LY86: variants seen among roughly 807,000 people sequenced by gnomAD.
LY86 encodes lymphocyte antigen 86, also known as MD-1, RP105-associated.
Under a neutral mutation model 17.3 loss-of-function variants are expected in LY86, and 20 were observed. That is an observed-to-expected ratio of 1.15 (90% CI 0.81 to 1.68). The LOEUF is 1.68. Among genes scored for constraint, LY86 ranks in the 40% most tolerant of loss-of-function variants. The pLI, the probability that LY86 is intolerant of heterozygous loss-of-function variation, is 0.00. For synonymous variants in LY86, 74 were observed against 70.6 expected, an observed-to-expected ratio of 1.05 and a Z score of -0.24; for missense variants, 200 against 191.9, an observed-to-expected ratio of 1.04 and a Z score of -0.25.
At chr6:6,646,679 C>A (rs1233870916) in intron 3 of LY86, among the ~76,000 whole-genome samples, 6 of 152,168 alleles carry the variant, frequency 3.9e-5, no homozygotes. Context: ...CCCACTGTTA[C>A]AATCAACAAT....
chr6:6,611,680 T>C (rs1220953443), intron 1 of LY86, among the ~76,000 whole-genome samples: 2 of 152,230 alleles, frequency 1.3e-5, no homozygotes, highest in African/African-American at 4.8e-5. Flanking sequence ...GTGGCTACGC[T>C]GCGCGCCGGT....
At chr6:6,630,172 T>C (rs1363459300) in intron 3 of LY86, among the ~76,000 whole-genome samples, 1 of 152,266 alleles carries the variant, frequency 6.6e-6, no homozygotes, top group Non-Finnish European at 1.5e-5. Flanking sequence ...TACTTTATCA[T>C]TACAGGAAAG....
intron 1 of LY86, among the ~76,000 whole-genome samples, chr6:6,594,299 T>G (rs1760631171): frequency 6.6e-6 from 1 of 152,212 alleles, no homozygotes. Context: ...GCCTGTGAGC[T>G]AGGGATGATC....
intron 1 of LY86, among the ~76,000 whole-genome samples, chr6:6,589,476 C>T (rs1017585396): frequency 6.6e-6 from 1 of 152,178 alleles, no homozygotes; most frequent in Admixed American, 6.5e-5. Flanking sequence ...GCGGGCCAAC[C>T]CAATACGCCA....
intron 1 of LY86, among the ~76,000 whole-genome samples, chr6:6,600,816 G>A (rs1032546980): frequency 3.9e-5 from 6 of 151,994 alleles, no homozygotes; most frequent in Admixed American, 2.6e-4. Context: ...ACTGGATGTA[G>A]GATATTTTCC....
intron 1 of LY86, among the ~76,000 whole-genome samples, chr6:6,615,014 G>A (rs547578623): frequency 6.6e-6 from 1 of 152,292 alleles, no homozygotes; most frequent in African/African-American, 2.4e-5. Context: ...TTGTGAAATG[G>A]TTTGTAAGGA....
intron 1 of LY86, among the ~76,000 whole-genome samples, chr6:6,624,707 G>T (rs552701762): frequency 6.6e-6 from 1 of 152,276 alleles, no homozygotes; most frequent in Admixed American, 6.5e-5. Context: ...TTTATTCCAT[G>T]GATGGAGGCC....
intron 4 of LY86, among the ~76,000 whole-genome samples, chr6:6,649,968 A>T (rs1184615992): frequency 2.0e-5 from 3 of 152,078 alleles, no homozygotes; most frequent in African/African-American, 7.2e-5. Flanking sequence ...ACTGAGAGGG[A>T]TGCCGGCGTC....
intron 4 of LY86, among the ~76,000 whole-genome samples, chr6:6,653,998 A>G (rs1257263096): frequency 6.6e-6 from 1 of 152,166 alleles, no homozygotes; most frequent in Non-Finnish European, 1.5e-5. Context: ...TCTCCTGACC[A>G]GAGTCCCTTT....
At chr6:6,625,189 G>A (rs1398017876) in intron 2 of LY86, among the ~76,000 whole-genome samples, 177 bp downstream of exon 2, 3 of 151,948 alleles carry the variant, frequency 2.0e-5, no homozygotes, top group Non-Finnish European at 2.9e-5. Context: ...TTATATTCAG[G>A]TAGGGTAGAA....
chr6:6,649,509 C>G, intron 3 of LY86, 116 bp from the exon 4 acceptor site: 16 of 635,096 alleles, frequency 2.5e-5, no homozygotes, highest in South Asian at 7.9e-5. Context: ...CTAGCAATAG[C>G]TGCTCTTATT....
Position 6,620,111 on chromosome 6 carries a change from A to C in LY86, c.137-4815A>C, listed in dbSNP as rs183049523. 4.4e-4 allele frequency among the ~76,000 whole-genome samples: 67 copies of C among 152,216 alleles called. 3 individuals are homozygous for C. The South Asian group carries it at 8.9e-3, about 20-fold the overall frequency. On this transcript the variant is annotated intron_variant, in intron 1 of 4. Transcript: ENST00000230568. The stretch of plus-strand genomic sequence containing the variant: ...TAACCATTTTAAACCCAAGCAATAG[A>C]AATGTAAAAAACAGGCACATACATG...
chr6:6,591,396 G>A (rs9328374), intron 1 of LY86: 111,313 of 153,710 alleles, frequency 0.72, 40,585 homozygotes, highest in Non-Finnish European at 0.78. Flanking sequence ...CAGGGTAAAT[G>A]CTTTGTGTGA....
At chr6:6,614,744 G>GA (rs11412069) in intron 1 of LY86, among the ~76,000 whole-genome samples, 47,147 of 149,996 alleles carry the variant, frequency 0.31, 7,417 homozygotes, top group Middle Eastern at 0.49. Context: ...AAATGAAACA[G>GA]AAAAAAAAAA....
chr6:6,603,619 C>CCAA (rs1760993062), intron 1 of LY86, among the ~76,000 whole-genome samples: 4 of 117,674 alleles, frequency 3.4e-5, no homozygotes, highest in African/African-American at 1.2e-4. Flanking sequence ...AAAAAACAAA[C>CCAA]AAAAAAAAAC....
chr6:6,638,758 T>C (rs1460760697), intron 3 of LY86, among the ~76,000 whole-genome samples: 1 of 151,580 alleles, frequency 6.6e-6, no homozygotes, highest in Non-Finnish European at 1.5e-5. Flanking sequence ...GCTGCACCCA[T>C]TAACTCGTCA....
intron 3 of LY86, among the ~76,000 whole-genome samples, chr6:6,630,122 T>C (rs1761876867): frequency 6.6e-6 from 1 of 152,252 alleles, no homozygotes; most frequent in African/African-American, 2.4e-5. Context: ...AAATCTCGCT[T>C]GCTTTTATGA....
At chr6:6,612,322 C>T (rs1199698100) in intron 1 of LY86, among the ~76,000 whole-genome samples, 1 of 152,230 alleles carries the variant, frequency 6.6e-6, no homozygotes, top group Non-Finnish European at 1.5e-5. Flanking sequence ...AGGCGTGAAA[C>T]TGCAGACCCT....
intron 1 of LY86, among the ~76,000 whole-genome samples, chr6:6,605,045 A>G (rs770162066): frequency 5.6e-5 from 7 of 125,118 alleles, no homozygotes; most frequent in Admixed American, 1.6e-4. Context: ...AAAAAAATCT[A>G]GAGTGTTTGC....
Sources: gnomAD v4.1 joint callset for allele counts (sites outside exome capture counted in the v4.1 genomes callset) on GRCh38, gnomAD v4.1.1 for gene constraint, MANE v1.5 for transcripts, NCBI Gene and HGNC (gene_info 2026-07-23, HGNC 2026-07-21) for gene names.